ATP8B4: variants seen among roughly 807,000 people sequenced by gnomAD.
The protein encoded by ATP8B4 is probable phospholipid-transporting ATPase IM.
A neutral mutation model predicts 145.6 loss-of-function variants in ATP8B4; 133 were observed. That is an observed-to-expected ratio of 0.91 (90% CI 0.79 to 1.05). The LOEUF is 1.05. ATP8B4 is among the 50% of genes least tolerant of loss of function. The pLI, the probability that ATP8B4 is intolerant of heterozygous loss-of-function variation, is 0.00. For synonymous variants in ATP8B4, 507 were observed against 492.9 expected (o/e 1.03, Z -0.38); for missense variants, 1,458 against 1,425.2 (o/e 1.02, Z -0.37).
intron 1 of ATP8B4, among the ~76,000 whole-genome samples, chr15:50,144,249 GC>G (rs1358538379): frequency 6.6e-6 from 1 of 152,190 alleles, no homozygotes; most frequent in African/African-American, 2.4e-5. Context: ...TGGTAGAAAT[GC>G]AAAGGAGGGG....
At chr15:50,104,138 A>T (rs1171723585) in intron 2 of ATP8B4, among the ~76,000 whole-genome samples, 3 of 152,206 alleles carry the variant, frequency 2.0e-5, no homozygotes, top group Non-Finnish European at 4.4e-5. Flanking sequence ...TATAGAAGAT[A>T]ACATGAGAAA....
At chr15:50,068,830 T>C (rs2053552236) in intron 3 of ATP8B4, among the ~76,000 whole-genome samples, 2 of 152,172 alleles carry the variant, frequency 1.3e-5, no homozygotes, top group Admixed American at 1.3e-4. Flanking sequence ...GTGCTTTCCA[T>C]CATCATCTTT....
At chr15:49,974,047 A>G (rs1228828400) in intron 12 of ATP8B4, among the ~76,000 whole-genome samples, 2 of 151,884 alleles carry the variant, frequency 1.3e-5, no homozygotes, top group Admixed American at 1.3e-4. Flanking sequence ...CTGTCAAAAA[A>G]CAATGCAAAT....
intron 16 of ATP8B4, among the ~76,000 whole-genome samples, chr15:49,928,282 G>T (rs1429427468): frequency 6.6e-6 from 1 of 152,052 alleles, no homozygotes; most frequent in Non-Finnish European, 1.5e-5. Context: ...AAAAAGAATT[G>T]AAAAATGGGT....
chr15:49,973,630 TA>T (rs892891439), intron 12 of ATP8B4, among the ~76,000 whole-genome samples: 130 of 104,170 alleles, frequency 1.2e-3, no homozygotes, highest in African/African-American at 8.3e-3. Flanking sequence ...ATAATTACAT[TA>T]ATTATTACAA....
intron 3 of ATP8B4, among the ~76,000 whole-genome samples, chr15:50,060,627 T>C (rs1379523153): frequency 6.6e-6 from 1 of 152,008 alleles, no homozygotes; most frequent in Non-Finnish European, 1.5e-5. Flanking sequence ...TTAAATACTT[T>C]CCCCGCCCCG....
chr15:50,058,393 T>G (rs1411505699), intron 3 of ATP8B4, among the ~76,000 whole-genome samples: 1 of 152,216 alleles, frequency 6.6e-6, no homozygotes, highest in Non-Finnish European at 1.5e-5. Flanking sequence ...AATTAGACCA[T>G]GTTCACACTG....
chr15:50,075,156 AAGG>A (rs1567311130), intron 2 of ATP8B4, among the ~76,000 whole-genome samples: 1 of 152,060 alleles, frequency 6.6e-6, no homozygotes, highest in Non-Finnish European at 1.5e-5. Context: ...ACCAGAGATA[AAGG>A]AGACTGGATG....
intron 14 of ATP8B4, among the ~76,000 whole-genome samples, chr15:49,959,766 A>G (rs2043901002): frequency 6.6e-6 from 1 of 152,174 alleles, no homozygotes; most frequent in South Asian, 2.1e-4. Context: ...TTTATGCAGA[A>G]AACCTGAAAA....
At chr15:49,948,829 T>A (rs1374693830) in intron 14 of ATP8B4, among the ~76,000 whole-genome samples, 1 of 151,444 alleles carries the variant, frequency 6.6e-6, no homozygotes, top group Non-Finnish European at 1.5e-5. Flanking sequence ...AATTTTGGAT[T>A]TTGTTGCAAT....
At chr15:50,018,955 C>T (rs1275426972) in intron 6 of ATP8B4, 1 of 1,253,320 alleles carries the variant, frequency 8.0e-7, no homozygotes, top group Non-Finnish European at 1.0e-6. Flanking sequence ...TCATTAAACC[C>T]TCAGCTTTGT....
At chr15:49,870,868 G>A (rs1349303663) in intron 25 of ATP8B4, among the ~76,000 whole-genome samples, 2 of 152,202 alleles carry the variant, frequency 1.3e-5, no homozygotes, top group African/African-American at 4.8e-5. Flanking sequence ...TATTCCTCAA[G>A]TTGAAACTCT....
At chr15:50,009,196 ATTAGGG>A (rs1399031601) in intron 7 of ATP8B4, 20 of 152,262 alleles carry the variant, frequency 1.3e-4, no homozygotes, top group African/African-American at 4.3e-4. Context: ...GTGATCTTTA[ATTAGGG>A]CAGATACTGT....
chr15:49,946,831 G>C (rs2042610316), intron 14 of ATP8B4, among the ~76,000 whole-genome samples: 1 of 152,252 alleles, frequency 6.6e-6, no homozygotes, highest in South Asian at 2.1e-4. Context: ...AAGAACACAA[G>C]GCCTAGCTCC....
Position 49,879,389 on chromosome 15 carries a change from C to T in ATP8B4, c.2768G>A (p.Gly923Glu), listed in dbSNP as rs867448784. The change falls in exon 24 of 28, where the codon GGG (glycine) becomes GAG (glutamate). Residue 923 changes from glycine (G) to glutamate (E), a missense_variant. Transcript: ENST00000284509. ...VYTSLPVLAMGIFDQDVSDQN... is the reference protein window; with the variant it reads ...VYTSLPVLAMEIFDQDVSDQN... ...AAAAAAACATACCTGGTCAAAAATC[C>T]CCATGGCTAAAACAGGCAGTGATGT... 6.2e-7 allele frequency: 1 copy of T among 1,610,966 alleles called. No individual in the cohort carries two copies. Among genetic ancestry groups the T allele is most frequent in the East Asian group, 2.2e-5 (1 of 44,780 alleles).
intron 1 of ATP8B4, 35 bp from the exon 2 acceptor site, chr15:50,107,043 A>G: frequency 7.3e-7 from 1 of 1,375,682 alleles, no homozygotes; most frequent in Non-Finnish European, 9.8e-7. Flanking sequence ...AGTATCTGAA[A>G]AATGCACAAT....
chr15:49,910,111 T>G (rs2039075670), intron 20 of ATP8B4, among the ~76,000 whole-genome samples: 1 of 151,538 alleles, frequency 6.6e-6, no homozygotes, highest in Non-Finnish European at 1.5e-5. Flanking sequence ...AAAAAACAAT[T>G]CAGGATATGA....
chr15:50,089,853 C>T (rs1567341731), intron 2 of ATP8B4, among the ~76,000 whole-genome samples: 1 of 152,070 alleles, frequency 6.6e-6, no homozygotes, highest in Non-Finnish European at 1.5e-5. Flanking sequence ...CCAGCAATCC[C>T]ATTACTAGGT....
chr15:50,113,838 C>CAAAAAAAAAAAAAAA (rs67648465), intron 1 of ATP8B4, among the ~76,000 whole-genome samples: 7 of 67,274 alleles, frequency 1.0e-4, no homozygotes, highest in African/African-American at 3.9e-4. Context: ...AACTCCATCT[C>CAAAAAAAAAAAAAAA]AAAAAAAAAA....
Sources: gnomAD v4.1 joint callset for allele counts (sites outside exome capture counted in the v4.1 genomes callset) on GRCh38, gnomAD v4.1.1 for gene constraint, MANE v1.5 for transcripts, NCBI Gene and HGNC (gene_info 2026-07-23, HGNC 2026-07-21) for gene names.